The following TYW5 variants were observed in gnomAD, a reference collection of about 807,000 sequenced individuals.
The protein encoded by TYW5 is tRNA wybutosine-synthesizing protein 5.
In TYW5, 36 loss-of-function variants were observed where a neutral mutation model predicts 44.4. The ratio of observed to expected loss-of-function variants is 0.81; its 90% CI spans 0.62 to 1.07. The LOEUF is 1.07. TYW5 is among the 50% of genes least tolerant of loss of function. The pLI is 0.00. For synonymous variants in TYW5, 121 were observed against 128.1 expected (o/e 0.94, Z 0.37); for missense variants, 354 against 365.7 (o/e 0.97, Z 0.26).
intron 1 of TYW5, among the ~76,000 whole-genome samples, chr2:199,951,734 T>C (rs999675819): frequency 6.6e-6 from 1 of 152,012 alleles, no homozygotes; most frequent in African/African-American, 2.4e-5. Context: ...CATAAATATA[T>C]GGCTGGGTGC....
Position 199,928,958 on chromosome 2 carries a change from CA to C in TYW5, c.*4108del, listed in dbSNP as rs2077348853. Among the ~76,000 whole-genome samples the C allele has an allele frequency of 6.6e-6, 1 of 152,098 alleles. No homozygotes were observed. The highest frequency in any genetic ancestry group is 1.5e-5 in the Non-Finnish European group (1 of 68,006). On this transcript the variant is annotated 3_prime_UTR_variant, in exon 8 of 8. Transcript: ENST00000354611. ...ACATTAAATCTTATGAGGTAAAATA[CA>C]AAAGGTAGTATTCATAAAAGAGCTA...
At chr2:199,941,661 C>T (rs552162059) in intron 3 of TYW5, among the ~76,000 whole-genome samples, 3 of 152,328 alleles carry the variant, frequency 2.0e-5, no homozygotes, top group South Asian at 4.1e-4. Flanking sequence ...GGGTTTTCTA[C>T]TAGTTCTAAC....
In TYW5 at chr2:199,949,610, T is replaced by C. The variant is rs77178067; in HGVS notation, c.79-1138A>G. ...GGAAGAGTATAGGCCAGCTATTTTG[T>C]AGAAAACTTTTCAATTTGGGTTTAT... On this transcript the variant is annotated intron_variant, in intron 1 of 7. Transcript: ENST00000354611. Among the ~76,000 whole-genome samples, 1,280 of 152,324 alleles carry C rather than the reference T, an allele frequency of 8.4e-3. 6 individuals carry two copies. The highest frequency in any genetic ancestry group is 0.012 in the Non-Finnish European group (831 of 68,036).
At chr2:199,933,431 T>A in intron 7 of TYW5, 108 bp from the exon 8 acceptor site, 1 of 957,098 alleles carries the variant, frequency 1.0e-6, no homozygotes, top group East Asian at 2.6e-5. Flanking sequence ...AAGAAATAAT[T>A]CTTGTAACCA....
At chr2:199,938,902 T>C (rs1406050670) in intron 5 of TYW5, 31 bp downstream of exon 5, 2 of 1,567,538 alleles carry the variant, frequency 1.3e-6, no homozygotes, top group Non-Finnish European at 1.7e-6. Context: ...AGATCTATTG[T>C]AGCTTTAAAT....
At chr2:199,954,912 A>G (rs1324134845) in intron 1 of TYW5, among the ~76,000 whole-genome samples, 1 of 152,090 alleles carries the variant, frequency 6.6e-6, no homozygotes, top group Non-Finnish European at 1.5e-5. Context: ...TTTCCCTAAT[A>G]TTTCTCTATG....
Position 199,936,338 on chromosome 2 carries a change from CAA to C in TYW5, c.574+65_574+66del. Reference sequence around the variant, plus strand: ...TGAAGTGTTCTTTTCCTATAAGAATCAAGAGATTTCTCAAAAAGAGTAACTGA... The same window carrying C: ...TGAAGTGTTCTTTTCCTATAAGAATCGAGATTTCTCAAAAAGAGTAACTGA... On this transcript the variant is annotated intron_variant, in intron 6 of 7. Transcript: ENST00000354611. The C allele has an allele frequency of 2.3e-6, 3 of 1,322,834 alleles. No individual in the cohort carries two copies. The South Asian group carries it at 3.8e-5, about 17-fold the overall frequency. The allele number at this position is 1,322,834 out of a possible 1,614,324, so 81.9% of individuals were successfully genotyped here.
intron 7 of TYW5, among the ~76,000 whole-genome samples, chr2:199,934,068 A>G (rs958258851): frequency 6.6e-6 from 1 of 152,140 alleles, no homozygotes; most frequent in African/African-American, 2.4e-5. Flanking sequence ...TATAACAAAG[A>G]TGGAACACTA....
At chr2:199,936,196 A>G in intron 6 of TYW5, 149 bp from the exon 7 acceptor site, 1 of 692,680 alleles carries the variant, frequency 1.4e-6, no homozygotes, top group African/African-American at 1.8e-5. Context: ...ACTGACACCT[A>G]AGACAATTTT....
At chr2:199,952,340 G>A (rs1187768263) in intron 1 of TYW5, among the ~76,000 whole-genome samples, 1 of 152,106 alleles carries the variant, frequency 6.6e-6, no homozygotes, top group Non-Finnish European at 1.5e-5. Context: ...AGTTTCTTCA[G>A]GGCATCACCA....
Position 199,930,159 on chromosome 2 carries a change from TAG to T in TYW5, c.*2906_*2907del. 1 of 152,252 alleles carries T rather than the reference TAG, an allele frequency of 6.6e-6. No individual in the cohort carries two copies. Among genetic ancestry groups the T allele is most frequent in the East Asian group, 1.9e-4 (1 of 5,174 alleles). The allele number at this position is 152,252 out of a possible 1,614,324, so 9.4% of individuals were successfully genotyped here. A position where few individuals can be genotyped will look rare whatever the true frequency, so the allele number is the denominator to read the frequency against. On this transcript the variant is annotated 3_prime_UTR_variant, in exon 8 of 8. Coordinates refer to ENST00000354611, the MANE Select transcript of TYW5 (RefSeq NM_001039693.3). The stretch of plus-strand genomic sequence containing the variant: ...GCCAGCTAATTCTCTGTATTTTTGG[TAG>T]AGACAAGGTTTCGCCATGTTGCCCA...
intron 1 of TYW5, among the ~76,000 whole-genome samples, chr2:199,950,253 T>C (rs1313255881): frequency 6.6e-6 from 1 of 152,188 alleles, no homozygotes; most frequent in African/African-American, 2.4e-5. Flanking sequence ...ACCATAAACA[T>C]TTCAAGGTTC....
intron 1 of TYW5, among the ~76,000 whole-genome samples, chr2:199,952,490 T>C (rs1057395581): frequency 6.6e-6 from 1 of 152,230 alleles, no homozygotes; most frequent in Non-Finnish European, 1.5e-5. Context: ...CCCCCCTCAA[T>C]CGTTTGCTCA....
intron 3 of TYW5, chr2:199,942,238 T>G (rs1046880899): frequency 1.2e-4 from 18 of 152,322 alleles, no homozygotes; most frequent in African/African-American, 4.3e-4. Context: ...GGCTAATTTT[T>G]TTGTATTTTT....
chr2:199,946,365 G>C (rs1308831208), intron 2 of TYW5: 1 of 152,136 alleles, frequency 6.6e-6, no homozygotes, highest in Non-Finnish European at 1.5e-5. Flanking sequence ...GGAAAAGGCT[G>C]CTTTACAAAA....
rs1271231900 is a variant in TYW5, at chr2:199,955,262, C to G, written c.78+131G>C. The G allele has an allele frequency of 8.7e-6, 9 of 1,029,630 alleles. No homozygotes were observed. The East Asian group carries it at 2.1e-4, about 24-fold the overall frequency. The allele number at this position is 1,029,630 out of a possible 1,614,324, so 63.8% of individuals were successfully genotyped here. On this transcript the variant is annotated intron_variant, in intron 1 of 7. Coordinates refer to ENST00000354611, the MANE Select transcript of TYW5 (RefSeq NM_001039693.3). ...CCTTTCCCTTGGTCTAAGGGCCAAC[C>G]AGTGATCTGCTGCCGTCCTGCGCCT...
At chr2:199,950,890 C>T (rs1172464967) in intron 1 of TYW5, among the ~76,000 whole-genome samples, 1 of 152,170 alleles carries the variant, frequency 6.6e-6, no homozygotes, top group Non-Finnish European at 1.5e-5. Context: ...TGAAAGCAAT[C>T]AGCAAACCTG....
intron 4 of TYW5, 123 bp from the exon 5 acceptor site, chr2:199,939,193 T>A (rs1352195324): frequency 1.4e-6 from 1 of 739,186 alleles, no homozygotes; most frequent in Non-Finnish European, 2.0e-6. Flanking sequence ...CAATACATGA[T>A]CTCTCTCTCT....
intron 2 of TYW5, chr2:199,945,444 G>C (rs1398360442): frequency 1.3e-5 from 2 of 152,066 alleles, no homozygotes; most frequent in Non-Finnish European, 2.9e-5. Flanking sequence ...GAGAAAAGAG[G>C]GGTCTGCCAT....
Sources: allele counts gnomAD v4.1 joint callset (sites outside exome capture counted in the v4.1 genomes callset), GRCh38; gene constraint gnomAD v4.1.1; transcripts MANE v1.5; gene names NCBI Gene and HGNC (gene_info 2026-07-23, HGNC 2026-07-21).